Variants in SNX27 observed in about 807,000 individuals in gnomAD.
SNX27 encodes the protein sorting nexin-27.
In SNX27, 22 loss-of-function variants were observed where a neutral mutation model predicts 71.6. The observed-to-expected ratio is 0.31, with a 90% CI of 0.22 to 0.44. The LOEUF is 0.44. SNX27 is among the 20% of genes least tolerant of loss of function. The pLI, the probability that SNX27 is intolerant of heterozygous loss-of-function variation, is 1.00. For synonymous variants in SNX27, 269 were observed against 277.2 expected, an observed-to-expected ratio of 0.97 and a Z score of 0.29; for missense variants, 531 against 698.6, an observed-to-expected ratio of 0.76 and a Z score of 2.70.
At chr1:151,660,883 G>A (rs1669934521) in intron 4 of SNX27, 21 bp downstream of exon 4, 2 of 1,583,592 alleles carry the variant, frequency 1.3e-6, no homozygotes, top group Non-Finnish European at 8.7e-7. Flanking sequence ...ATCTCTTTTA[G>A]TGATTATTTT....
chr1:151,626,440 A>G (rs557993917), intron 1 of SNX27, among the ~76,000 whole-genome samples: 1 of 152,282 alleles, frequency 6.6e-6, no homozygotes, highest in East Asian at 1.9e-4. Flanking sequence ...AGAATGTTTT[A>G]TGATAATGGT....
chr1:151,676,618 T>A (rs903143188), intron 7 of SNX27: 2 of 152,156 alleles, frequency 1.3e-5, no homozygotes, highest in African/African-American at 4.8e-5. Context: ...GAATTTTGTT[T>A]TAGAGAAGTT....
At chr1:151,639,694 C>G (rs1668640112) in intron 2 of SNX27, among the ~76,000 whole-genome samples, 1 of 152,232 alleles carries the variant, frequency 6.6e-6, no homozygotes, top group South Asian at 2.1e-4. Context: ...TCACACATTT[C>G]TAATCTGTTG....
chr1:151,696,490 TTTCTTTCTTTCTTTCGTTCTTTCG>T lies in SNX27; in HGVS notation c.*2081_*2104del, dbSNP rs1433458521. ...CTTTCTTTCTTTCTTTCTTTCTTTC[TTTCTTTCTTTCTTTCGTTCTTTCG>T]TTCTTTCGTTCTTTCTTTCTTTCTT... On this transcript the variant is annotated 3_prime_UTR_variant, in exon 12 of 12. Coordinates refer to ENST00000458013, the MANE Select transcript of SNX27 (RefSeq NM_001330723.2). The T allele has an allele frequency of 3.1e-5, 3 of 95,760 alleles. No individual in the cohort carries two copies. Among genetic ancestry groups the T allele is most frequent in the Non-Finnish European group, 6.4e-5 (3 of 46,594 alleles). The allele number at this position is 95,760 out of a possible 1,614,324, so 5.9% of individuals were successfully genotyped here. A position where few individuals can be genotyped will look rare whatever the true frequency, so the allele number is the denominator to read the frequency against.
intron 7 of SNX27, among the ~76,000 whole-genome samples, chr1:151,671,268 C>T (rs188037192): frequency 8.7e-5 from 13 of 149,072 alleles, no homozygotes; most frequent in East Asian, 5.9e-4. Flanking sequence ...GACAGGGTCT[C>T]GCTTTGTCAC....
In SNX27 at chr1:151,639,982, A is replaced by C. The variant is rs1315229156; in HGVS notation, c.543+863A>C. Among the ~76,000 whole-genome samples the C allele has an allele frequency of 3.3e-5, 5 of 152,246 alleles. No individual in the cohort carries two copies. In the East Asian group the frequency reaches 9.6e-4, roughly 29 times the overall value. ...AAGCTTAACAGTTGACTAAAGTTAC[A>C]GTCTCTAAAACTGAGATTTATCCTC... is the stretch of plus-strand genomic sequence containing the variant. On this transcript the variant is annotated intron_variant, in intron 2 of 11. Transcript: ENST00000458013.
chr1:151,627,670 C>T (rs1668008399), intron 1 of SNX27, among the ~76,000 whole-genome samples: 1 of 151,974 alleles, frequency 6.6e-6, no homozygotes, highest in Non-Finnish European at 1.5e-5. Context: ...TCAAACAGTC[C>T]ACCCGCTTTG....
chr1:151,612,277 T>C lies in SNX27; in HGVS notation c.76T>C (p.Ser26Pro). ...RNGGGGGGGG[S>P]GLHCAGNGGG... is the part of the protein sequence containing the mutation. ...CGGAGGTGGCGGCGGCGGCGGGGGG[T>C]CTGGGCTCCACTGCGCCGGGAACGG... The change falls in exon 1 of 12, where the codon TCT becomes CCT. Residue 26 changes from serine to proline, a missense_variant. This residue lies in a region of SNX27 where 130 missense variants were observed against 143.5 expected (regional missense o/e 0.91). Transcript: ENST00000458013. This position sits in a 1 kb window ranked among gnomAD's most constrained non-coding sequence, Gnocchi z 5.2. The C allele has an allele frequency of 1.4e-6, 2 of 1,474,872 alleles. No individual in the cohort carries two copies. Among genetic ancestry groups the C allele is most frequent in the Non-Finnish European group, 1.8e-6 (2 of 1,114,970 alleles). The allele number at this position is 1,474,872 out of a possible 1,614,324, so 91.4% of individuals were successfully genotyped here.
At chr1:151,668,691 T>C (rs1670323546) in intron 7 of SNX27, 56 bp downstream of exon 7, 2 of 1,534,822 alleles carry the variant, frequency 1.3e-6, no homozygotes, top group African/African-American at 1.4e-5. Flanking sequence ...TGAATATAGT[T>C]GGTACTTTGC....
In SNX27 at chr1:151,692,515, G is replaced by A. The variant is rs2102742887; in HGVS notation, c.1320G>A (p.Gly440=). ...GTGCCTGTGACTCCAGGAGGAAGGG[G>A]CACGTTATCACAGCCATCAGCATCA... The part of the protein sequence containing the change: ...PHCACDSRRK[G]HVITAISITH... The change falls in exon 9 of 12, where the codon GGG becomes GGA. Residue 440 remains glycine, a synonymous_variant. Coordinates refer to ENST00000458013, the MANE Select transcript of SNX27 (RefSeq NM_001330723.2). 1 of 1,611,742 alleles carries A rather than the reference G, an allele frequency of 6.2e-7. No individual in the cohort carries two copies. Among genetic ancestry groups the A allele is most frequent in the Non-Finnish European group, 8.5e-7 (1 of 1,179,402 alleles).
intron 2 of SNX27, among the ~76,000 whole-genome samples, chr1:151,643,156 G>A (rs74951914): frequency 6.6e-6 from 1 of 150,984 alleles, no homozygotes; most frequent in Non-Finnish European, 1.5e-5. Context: ...TAGAGACAGG[G>A]TTTCTCCATG....
At chr1:151,650,203 T>G (rs1423053196) in intron 2 of SNX27, among the ~76,000 whole-genome samples, 1 of 152,076 alleles carries the variant, frequency 6.6e-6, no homozygotes, top group Admixed American at 6.6e-5. Flanking sequence ...ATTTTAAAAA[T>G]TTTTAGTAGA....
At chr1:151,675,100 C>T (rs1028923933) in intron 7 of SNX27, among the ~76,000 whole-genome samples, 8 of 152,162 alleles carry the variant, frequency 5.3e-5, no homozygotes, top group African/African-American at 1.9e-4. Flanking sequence ...GGAATTTCGT[C>T]ATATAAATTT....
intron 1 of SNX27, among the ~76,000 whole-genome samples, chr1:151,619,567 C>T (rs1667577979): frequency 6.6e-6 from 1 of 152,066 alleles, no homozygotes; most frequent in African/African-American, 2.4e-5. Flanking sequence ...TCCCAAAGTG[C>T]TGGGATTACA....
At chr1:151,687,236 A>T (rs1671222978) in intron 8 of SNX27, among the ~76,000 whole-genome samples, 1 of 152,138 alleles carries the variant, frequency 6.6e-6, no homozygotes, top group Non-Finnish European at 1.5e-5. Context: ...ATAAATAAAG[A>T]GCTTTTGTGT....
At chr1:151,675,270 G>C (rs1168966861) in intron 7 of SNX27, among the ~76,000 whole-genome samples, 1 of 151,782 alleles carries the variant, frequency 6.6e-6, no homozygotes, top group Non-Finnish European at 1.5e-5. Context: ...AAATTTTAAT[G>C]GGGTTTTAGG....
intron 3 of SNX27, chr1:151,660,233 C>G (rs1022200741): frequency 1.2e-4 from 18 of 151,610 alleles, no homozygotes; most frequent in African/African-American, 4.4e-4. Context: ...CCCATCACGT[C>G]CCCCCAGTTT....
intron 1 of SNX27, among the ~76,000 whole-genome samples, chr1:151,623,421 T>G (rs1667770089): frequency 6.6e-6 from 1 of 152,152 alleles, no homozygotes; most frequent in Non-Finnish European, 1.5e-5. Flanking sequence ...ATTACAGGCG[T>G]GAGCCACCGC....
At chr1:151,673,205 TC>T (rs780236375) in intron 7 of SNX27, among the ~76,000 whole-genome samples, 1 of 152,136 alleles carries the variant, frequency 6.6e-6, no homozygotes, top group Non-Finnish European at 1.5e-5. Flanking sequence ...AATTTCCTTC[TC>T]AATTTCTCCA....
Sources: allele counts gnomAD v4.1 joint callset (sites outside exome capture counted in the v4.1 genomes callset), GRCh38; gene constraint gnomAD v4.1.1; regional missense constraint gnomAD v4.1.1; non-coding constraint Gnocchi (gnomAD v3.1); transcripts MANE v1.5; gene names NCBI Gene and HGNC (gene_info 2026-07-23, HGNC 2026-07-21).